The following NELFCD variants were observed in gnomAD, a reference collection of about 807,000 sequenced individuals.
NELFCD encodes negative elongation factor complex member C/D.
In NELFCD, 48 loss-of-function variants were observed where a neutral mutation model predicts 72.9. The observed-to-expected ratio is 0.66, with a 90% CI of 0.52 to 0.84. The LOEUF is 0.84. Ranked by LOEUF, NELFCD falls within the 40% of genes least tolerant of loss-of-function variation. The probability of loss-of-function intolerance (pLI) is 0.00; values close to 1 mark genes in which losing one functional copy is unlikely to be tolerated. For missense variants in NELFCD, 538 were observed against 723.8 expected (o/e 0.74, Z 2.94); for synonymous variants, 297 against 280.6 (o/e 1.06, Z -0.59).
chr20:58,984,787 G>A (rs56979548), intron 1 of NELFCD, among the ~76,000 whole-genome samples: 17,977 of 152,212 alleles, frequency 0.12, 1,150 homozygotes, highest in Middle Eastern at 0.18. Flanking sequence ...TGGTGAGCAG[G>A]TAGATAGCAT....
rs2091842324 is a variant in NELFCD at position 58,994,378 on chromosome 20, A to T, written c.1711+139A>T. 3.6e-6 allele frequency: 3 copies of T among 829,482 alleles called. No individual in the cohort carries two copies. The South Asian group carries it at 5.1e-5, about 14-fold the overall frequency. The allele number at this position is 829,482 out of a possible 1,614,324, so 51.4% of individuals were successfully genotyped here. ...TGGGAGTTCAAGACCAGCCCGACCAACATGGAGAAACCCCATCTCTACTAA... is the reference window on the plus strand; with the variant it reads ...TGGGAGTTCAAGACCAGCCCGACCATCATGGAGAAACCCCATCTCTACTAA... On this transcript the variant is annotated intron_variant, in intron 14 of 14. Transcript: ENST00000652272.
intron 3 of NELFCD, chr20:58,987,503 C>G (rs760964411): frequency 1.4e-4 from 78 of 563,026 alleles, no homozygotes; most frequent in Non-Finnish European, 2.2e-4. Flanking sequence ...TAGGGGTGGA[C>G]CAGACTTGTG....
At chr20:58,992,863 AAAAG>A in intron 10 of NELFCD, 131 bp from the exon 11 acceptor site, 2 of 619,988 alleles carry the variant, frequency 3.2e-6, no homozygotes, top group Non-Finnish European at 5.7e-6. Context: ...AAAAAAAAAA[AAAAG>A]GGTTGGGGGG....
chr20:58,984,016 A>G (rs2091755065), intron 1 of NELFCD, among the ~76,000 whole-genome samples: 1 of 152,054 alleles, frequency 6.6e-6, no homozygotes, highest in Non-Finnish European at 1.5e-5. Flanking sequence ...AAAGTTAGGA[A>G]AGGTGTTAGG....
chr20:58,994,717 C>T lies in NELFCD; in HGVS notation c.*41C>T, dbSNP rs1003213345. 5 of 1,562,122 alleles carry T rather than the reference C, an allele frequency of 3.2e-6. No homozygotes were observed. Among genetic ancestry groups the T allele is most frequent in the Non-Finnish European group, 4.4e-6 (5 of 1,138,532 alleles). Reference sequence around the variant, plus strand: ...AGAGCTGAAGCAGAACATTCCAGAACCCGTTGTGGAAAAACCCTTTCAAGA... The same window carrying T: ...AGAGCTGAAGCAGAACATTCCAGAATCCGTTGTGGAAAAACCCTTTCAAGA... On this transcript the variant is annotated 3_prime_UTR_variant, in exon 15 of 15. Transcript: ENST00000652272.
Position 58,989,605 on chromosome 20 carries a change from G to T in NELFCD, c.622G>T (p.Glu208Ter). 6.2e-7 allele frequency: 1 copy of T among 1,614,198 alleles called. No individual in the cohort carries two copies. Among genetic ancestry groups the T allele is most frequent in the Non-Finnish European group, 8.5e-7 (1 of 1,180,034 alleles). The change falls in exon 6 of 15, where the codon GAA (glutamate) becomes TAA (stop). Residue 208 changes from glutamate (E) to a stop codon, truncating the protein, a stop_gained. Transcript: ENST00000652272. LOFTEE classifies it high-confidence loss of function. ...TSLATILDGG[E>*]ENLEKNLPEF... is the part of the protein sequence containing the mutation. Reference sequence around the variant, plus strand: ...TCTAGCTACAATTTTAGATGGAGGAGAAGAAAACCTTGAAAAAAATCTCCC... The same window carrying T: ...TCTAGCTACAATTTTAGATGGAGGATAAGAAAACCTTGAAAAAAATCTCCC...
intron 1 of NELFCD, among the ~76,000 whole-genome samples, chr20:58,983,284 C>T (rs1272250158): frequency 6.6e-6 from 1 of 151,502 alleles, no homozygotes; most frequent in Admixed American, 6.6e-5. Flanking sequence ...TTACAGGCAT[C>T]CGCCATCATG....
At chr20:58,990,810 A>C in intron 7 of NELFCD, 100 bp from the exon 8 acceptor site, 3 of 1,106,844 alleles carry the variant, frequency 2.7e-6, no homozygotes, top group Non-Finnish European at 3.9e-6. Context: ...TGAATGACAG[A>C]AAAACAGATC....
At position 58,986,526 on chromosome 20, in the gene NELFCD, G is replaced by A. The variant is rs1002000711; in HGVS notation, c.177-228G>A. On this transcript the variant is annotated intron_variant, in intron 2 of 14. Coordinates refer to ENST00000652272, the MANE Select transcript of NELFCD (RefSeq NM_198976.4). The surrounding 1 kb of genome is among the most constrained non-coding windows in gnomAD (Gnocchi z 4.4). Reference sequence around the variant, plus strand: ...GGCTATTTTTGTTTTTGTTTTTTGGGAGAGACAGGGCTCCTTACGTTGCCC... The same window carrying A: ...GGCTATTTTTGTTTTTGTTTTTTGGAAGAGACAGGGCTCCTTACGTTGCCC... 1.8e-6 allele frequency: 1 copy of A among 559,498 alleles called. No individual in the cohort carries two copies. Among genetic ancestry groups the A allele is most frequent in the African/African-American group, 1.9e-5 (1 of 52,194 alleles). 34.7% of individuals were successfully genotyped at this position (559,498 alleles called of 1,614,324 possible).
chr20:58,982,822 G>C (rs962968427), intron 1 of NELFCD, among the ~76,000 whole-genome samples: 1 of 152,154 alleles, frequency 6.6e-6, no homozygotes, highest in African/African-American at 2.4e-5. Flanking sequence ...GGGTGGAGTG[G>C]ATAGAGTCAG....
At chr20:58,990,208 C>T (rs2091805653) in intron 7 of NELFCD, 2 of 542,246 alleles carry the variant, frequency 3.7e-6, no homozygotes, top group Non-Finnish European at 6.5e-6. Context: ...ACCAGCTTGA[C>T]CAACATGGAG....
chr20:58,989,188 GT>G, intron 5 of NELFCD, 167 bp downstream of exon 5: 1 of 635,980 alleles, frequency 1.6e-6, no homozygotes, highest in Admixed American at 2.9e-5. Context: ...ATTTGTATCT[GT>G]TTTTGGGTCA....
intron 7 of NELFCD, chr20:58,990,658 A>G (rs1016509784): frequency 4.7e-5 from 19 of 400,810 alleles, no homozygotes; most frequent in Admixed American, 2.4e-4. Flanking sequence ...ATGAGCTCAT[A>G]TTAGCTTTAT....
At position 58,981,256 on chromosome 20, in the gene NELFCD, A is replaced by C. The variant is rs772250507; in HGVS notation, c.-54A>C. The C allele has an allele frequency of 3.9e-6, 4 of 1,021,416 alleles. No individual in the cohort carries two copies. Among genetic ancestry groups the C allele is most frequent in the Non-Finnish European group, 4.7e-6 (4 of 854,612 alleles). 63.3% of individuals were successfully genotyped at this position (1,021,416 alleles called of 1,614,324 possible). On this transcript the variant is annotated 5_prime_UTR_variant, in exon 1 of 15. The change abolishes an upstream ATG in the 5' untranslated region. Coordinates refer to ENST00000652272, the MANE Select transcript of NELFCD (RefSeq NM_198976.4). ...CCGCCCGCCCGTCCCCGCCTCGCGC[A>C]TGCGCCGCGCTCGCTCGCGGGAGGG...
Position 58,989,211 on chromosome 20 carries a change from G to C in NELFCD, c.504+190G>C, listed in dbSNP as rs1236832160. On this transcript the variant is annotated intron_variant, in intron 5 of 14. Coordinates refer to ENST00000652272, the MANE Select transcript of NELFCD (RefSeq NM_198976.4). ...CTGTTTTTGGGTCAGTGTTGACTGT[G>C]TTTTAGGATTTAGCAGGGATACAAG... 3.4e-5 allele frequency: 21 copies of C among 622,700 alleles called. 1 individual carries two copies. The East Asian group carries it at 5.8e-4, about 17-fold the overall frequency. 38.6% of individuals were successfully genotyped at this position (622,700 alleles called of 1,614,324 possible). A position where few individuals can be genotyped will look rare whatever the true frequency, so the allele number is the denominator to read the frequency against.
In NELFCD at chr20:58,991,169, T is replaced by G. The variant is rs1601216825; in HGVS notation, c.954+94T>G. ...ATTGTCTGAAGGCTGTGAATGCAAA[T>G]CCATCATTGTCCTGGTCCTTCCTCA... is the stretch of plus-strand genomic sequence containing the variant. On this transcript the variant is annotated intron_variant, in intron 8 of 14. Transcript: ENST00000652272. 68 of 1,547,860 alleles carry G rather than the reference T, an allele frequency of 4.4e-5. 1 individual carries two copies. The South Asian group carries it at 7.3e-4, about 17-fold the overall frequency.
intron 1 of NELFCD, among the ~76,000 whole-genome samples, chr20:58,984,678 G>A (rs968103538): frequency 6.6e-6 from 1 of 152,226 alleles, no homozygotes; most frequent in African/African-American, 2.4e-5. Context: ...TTGGATACTT[G>A]TGAGACATCT....
Position 58,994,758 on chromosome 20 carries a change from C to T in NELFCD, c.*82C>T, listed in dbSNP as rs2091847108. On this transcript the variant is annotated 3_prime_UTR_variant, in exon 15 of 15. Transcript: ENST00000652272. The stretch of plus-strand genomic sequence containing the variant: ...CCTTTCAAGAAGCTGTTTTAAGAGG[C>T]TCGGGCAGCGTCTTGAAAATGGGCA... 2 of 1,225,128 alleles carry T rather than the reference C, an allele frequency of 1.6e-6. No individual in the cohort carries two copies. The highest frequency in any genetic ancestry group is 1.5e-5 in the African/African-American group (1 of 66,210). The allele number at this position is 1,225,128 out of a possible 1,614,324, so 75.9% of individuals were successfully genotyped here.
Position 58,993,600 on chromosome 20 carries a change from C to G in NELFCD, c.1441-24C>G, listed in dbSNP as rs766721244. 1.2e-6 allele frequency: 2 copies of G among 1,614,086 alleles called. No individual in the cohort carries two copies. Among genetic ancestry groups the G allele is most frequent in the African/African-American group, 2.7e-5 (2 of 74,942 alleles). ...GCTGAGGAGGACCCTCTCTAACCAG[C>G]TCCCTGTCCCCCTTCTTCTGTAGCT... On this transcript the variant is annotated intron_variant, in intron 12 of 14. Transcript: ENST00000652272. The surrounding 1 kb of genome is among the most constrained non-coding windows in gnomAD (Gnocchi z 5.0).
Sources: allele counts gnomAD v4.1 joint callset (sites outside exome capture counted in the v4.1 genomes callset), GRCh38; gene constraint gnomAD v4.1.1; non-coding constraint Gnocchi (gnomAD v3.1); transcripts MANE v1.5; gene names NCBI Gene and HGNC (gene_info 2026-07-23, HGNC 2026-07-21).